The following ARFGEF3 variants were observed in gnomAD, a reference collection of about 807,000 sequenced individuals.
ARFGEF3 encodes brefeldin A-inhibited guanine nucleotide-exchange protein 3.
Under a neutral mutation model 221.7 loss-of-function variants are expected in ARFGEF3, and 96 were observed. The observed-to-expected ratio is 0.43, with a 90% CI of 0.37 to 0.51. The LOEUF (loss-of-function observed/expected upper bound fraction) is 0.51. ARFGEF3 is among the 20% of genes least tolerant of loss of function. The pLI, the probability that ARFGEF3 is intolerant of heterozygous loss-of-function variation, is 0.00. For synonymous variants in ARFGEF3, 1,145 were observed against 1,126.8 expected, an observed-to-expected ratio of 1.02 and a Z score of -0.32; for missense variants, 2,410 against 2,789.9, an observed-to-expected ratio of 0.86 and a Z score of 3.07.
chr6:138,249,299 C>T (rs527434324), intron 8 of ARFGEF3, among the ~76,000 whole-genome samples: 1 of 152,264 alleles, frequency 6.6e-6, no homozygotes, highest in East Asian at 1.9e-4. Context: ...AACCACATGA[C>T]TTAAGAATAG....
Position 138,256,202 on chromosome 6 carries a change from C to T in ARFGEF3, c.1104+433C>T, listed in dbSNP as rs146936528. On this transcript the variant is annotated intron_variant, in intron 10 of 33. Transcript: ENST00000251691. The stretch of plus-strand genomic sequence containing the variant: ...AGTCTCTGATTGCTAAGAGGAATCC[C>T]TTTGTCCCATTCTTTTGCCTCATTT... 1.1e-3 allele frequency among the ~76,000 whole-genome samples: 171 copies of T among 152,298 alleles called. 4 individuals are homozygous for T. The East Asian group carries it at 0.029, about 25-fold the overall frequency.
At chr6:138,312,116 A>G (rs545541452) in intron 25 of ARFGEF3, among the ~76,000 whole-genome samples, 1 of 152,236 alleles carries the variant, frequency 6.6e-6, no homozygotes, top group African/African-American at 2.4e-5. Context: ...AGATCATGCC[A>G]TTGCACTCCG....
chr6:138,286,205 C>A (rs1192796068), intron 15 of ARFGEF3, among the ~76,000 whole-genome samples, 152 bp downstream of exon 15: 1 of 152,188 alleles, frequency 6.6e-6, no homozygotes, highest in African/African-American at 2.4e-5. Flanking sequence ...AATCCCAGCA[C>A]TTTGGGAGGC....
chr6:138,244,835 G>A (rs1242957259), intron 7 of ARFGEF3, among the ~76,000 whole-genome samples: 3 of 152,076 alleles, frequency 2.0e-5, no homozygotes. Context: ...AAATTCAAGG[G>A]TCAGAATAAG....
intron 4 of ARFGEF3, among the ~76,000 whole-genome samples, chr6:138,213,278 A>C (rs1288358267): frequency 5.9e-5 from 8 of 134,894 alleles, no homozygotes; most frequent in African/African-American, 2.5e-4. Context: ...ACAGAGCGAG[A>C]CTCCATCTCA....
chr6:138,267,057 T>C (rs959841513), intron 12 of ARFGEF3, among the ~76,000 whole-genome samples: 2 of 152,062 alleles, frequency 1.3e-5, no homozygotes, highest in Non-Finnish European at 2.9e-5. Context: ...CCAGCAAACA[T>C]TGTTAGTCCC....
At chr6:138,273,516 T>C (rs569359200) in intron 12 of ARFGEF3, among the ~76,000 whole-genome samples, 6 of 152,214 alleles carry the variant, frequency 3.9e-5, no homozygotes, top group Non-Finnish European at 8.8e-5. Flanking sequence ...CTAAATTGGA[T>C]AGCACGTCAG....
intron 32 of ARFGEF3, among the ~76,000 whole-genome samples, chr6:138,329,786 C>G (rs903582096): frequency 2.0e-5 from 3 of 152,184 alleles, no homozygotes; most frequent in Admixed American, 6.5e-5. Flanking sequence ...GATGTGGTTA[C>G]GCCTATCCCC....
chr6:138,334,576 A>G lies in ARFGEF3; in HGVS notation c.5730A>G (p.Glu1910=), dbSNP rs34683139. The change falls in exon 33 of 34, where the codon GAA becomes GAG. Residue 1910 remains glutamate, a synonymous_variant. Transcript: ENST00000251691. The surrounding 1 kb of genome is among the most constrained non-coding windows in gnomAD (Gnocchi z 5.1). ...LVKRLHKLCM[E]LCNNYIQMHL... is the part of the protein sequence containing the mutation. ...AGAGGCTGCACAAGCTGTGCATGGA[A>G]CTGTGCAACAACTACATCCAGATGC... 5.1e-4 allele frequency: 825 copies of G among 1,613,692 alleles called. 3 individuals carry two copies. In the African/African-American group the frequency reaches 8.9e-3, roughly 17 times the overall value.
chr6:138,295,753 T>C (rs565770581), intron 20 of ARFGEF3, among the ~76,000 whole-genome samples: 6 of 152,352 alleles, frequency 3.9e-5, no homozygotes, highest in Non-Finnish European at 8.8e-5. Context: ...TGAGTATCCC[T>C]AATCCAAAAA....
At chr6:138,237,050 T>C (rs1186025904) in intron 5 of ARFGEF3, among the ~76,000 whole-genome samples, 1 of 151,758 alleles carries the variant, frequency 6.6e-6, no homozygotes, top group Non-Finnish European at 1.5e-5. Context: ...CTTTGAAATA[T>C]TAACATTCAA....
At chr6:138,191,470 G>C (rs1358691413) in intron 2 of ARFGEF3, among the ~76,000 whole-genome samples, 1 of 152,058 alleles carries the variant, frequency 6.6e-6, no homozygotes, top group African/African-American at 2.4e-5. Context: ...AGCCTCTTCT[G>C]GCTACTACTT....
rs1024510072 is a variant in ARFGEF3, at chr6:138,207,766, T to G, written c.219+643T>G. 2.0e-5 allele frequency among the ~76,000 whole-genome samples: 3 copies of G among 152,350 alleles called. No individual in the cohort carries two copies. In the South Asian group the frequency reaches 6.2e-4, roughly 32 times the overall value. ...CCTCTAAGAGAAAAGCACTGTGAAG[T>G]TGAAGCCTGCAGGAGTTTGTTCAGT... On this transcript the variant is annotated intron_variant, in intron 3 of 33. Coordinates refer to ENST00000251691, the MANE Select transcript of ARFGEF3 (RefSeq NM_020340.5).
intron 2 of ARFGEF3, among the ~76,000 whole-genome samples, chr6:138,182,045 A>T (rs978527321): frequency 6.6e-6 from 1 of 152,096 alleles, no homozygotes; most frequent in Non-Finnish European, 1.5e-5. Context: ...GACTAGAATC[A>T]TGTGTTGTTT....
chr6:138,323,092 A>C (rs1472883200), intron 29 of ARFGEF3, among the ~76,000 whole-genome samples: 1 of 152,096 alleles, frequency 6.6e-6, no homozygotes, highest in Non-Finnish European at 1.5e-5. Flanking sequence ...GAATCCAAAA[A>C]TCACTACAGA....
At chr6:138,197,819 C>G (rs1777458740) in intron 2 of ARFGEF3, among the ~76,000 whole-genome samples, 1 of 152,136 alleles carries the variant, frequency 6.6e-6, no homozygotes, top group Non-Finnish European at 1.5e-5. Flanking sequence ...CTGCCACTCT[C>G]CTTACATCAG....
At position 138,328,024 on chromosome 6, in the gene ARFGEF3, T is replaced by C; in HGVS notation, c.5005T>C (p.Phe1669Leu). Residue 1669 changes from phenylalanine (F) to leucine (L), a missense_variant, in exon 32 of 34, where the codon TTT (phenylalanine) becomes CTT (leucine). Physicochemically the swap from Phe to Leu is conservative, Grantham distance 22 (BLOSUM62 0). Around this residue, in one of 5 missense-constraint regions of ARFGEF3, gnomAD observed 723 missense variants for 991.9 expected, o/e 0.73. Coordinates refer to ENST00000251691, the MANE Select transcript of ARFGEF3 (RefSeq NM_020340.5). ...WRIRAMAQQV[F>L]MLDTQCSPKT... ...GTACCTTTGCACCCCCATACAGGTG[T>C]TTATGCTGGACACCCAGTGCTCACC... The C allele has an allele frequency of 1.3e-6, 2 of 1,552,376 alleles. No individual in the cohort carries two copies. The highest frequency in any genetic ancestry group is 1.7e-6 in the Non-Finnish European group (2 of 1,147,176).
chr6:138,280,754 G>A (rs556746925), intron 14 of ARFGEF3, among the ~76,000 whole-genome samples: 1 of 152,246 alleles, frequency 6.6e-6, no homozygotes, highest in African/African-American at 2.4e-5. Flanking sequence ...GGGAGGCTAA[G>A]GCAGAAGAAT....
At chr6:138,318,620 C>A (rs2114675990) in intron 27 of ARFGEF3, among the ~76,000 whole-genome samples, 1 of 152,294 alleles carries the variant, frequency 6.6e-6, no homozygotes, top group South Asian at 2.1e-4. Context: ...AATACAAACA[C>A]ACATGCATTC....
Sources: allele counts gnomAD v4.1 joint callset (sites outside exome capture counted in the v4.1 genomes callset), GRCh38; gene constraint gnomAD v4.1.1; regional missense constraint gnomAD v4.1.1; non-coding constraint Gnocchi (gnomAD v3.1); transcripts MANE v1.5; gene names NCBI Gene and HGNC (gene_info 2026-07-23, HGNC 2026-07-21).